Variants in MAST4 observed in about 807,000 individuals in gnomAD.
MAST4 encodes the protein microtubule-associated serine/threonine-protein kinase 4.
In MAST4, 89 loss-of-function variants were observed where a neutral mutation model predicts 162.7. The ratio of observed to expected loss-of-function variants is 0.55; its 90% CI spans 0.46 to 0.65. The LOEUF is 0.65. Among genes scored for constraint, MAST4 ranks in the 30% least tolerant of loss-of-function variants. The pLI is 0.00. For missense variants in MAST4, 3,153 were observed against 3,374.0 expected, an observed-to-expected ratio of 0.93 and a Z score of 1.62; for synonymous variants, 1,479 against 1,361.1, an observed-to-expected ratio of 1.09 and a Z score of -1.91.
intron 3 of MAST4, among the ~76,000 whole-genome samples, chr5:66,837,138 G>A (rs531331350): frequency 6.6e-6 from 1 of 151,932 alleles, no homozygotes; most frequent in Non-Finnish European, 1.5e-5. Context: ...CTTACTGCCT[G>A]ATGTTGGCTA....
At chr5:66,618,601 T>C (rs938592175) in intron 1 of MAST4, among the ~76,000 whole-genome samples, 30 of 152,192 alleles carry the variant, frequency 2.0e-4, no homozygotes, top group African/African-American at 7.0e-4. Flanking sequence ...AACACTTCCC[T>C]CTGTATTGAA....
chr5:66,712,570 C>G (rs1462249285), intron 1 of MAST4, among the ~76,000 whole-genome samples: 1 of 152,172 alleles, frequency 6.6e-6, no homozygotes, highest in Non-Finnish European at 1.5e-5. Flanking sequence ...AGGTCTTAAT[C>G]TTGTTTAACT....
At chr5:66,950,410 A>G (rs1288588036) in intron 4 of MAST4, among the ~76,000 whole-genome samples, 1 of 152,030 alleles carries the variant, frequency 6.6e-6, no homozygotes, top group Non-Finnish European at 1.5e-5. Context: ...TTTCCATTAA[A>G]CACTAGCTTC....
intron 1 of MAST4, among the ~76,000 whole-genome samples, chr5:66,673,621 A>C (rs1747764449): frequency 6.8e-6 from 1 of 147,714 alleles, no homozygotes; most frequent in Non-Finnish European, 1.5e-5. Context: ...CCACCTCCTG[A>C]GTAGGTGGGA....
chr5:66,941,335 T>C (rs1445900139), intron 4 of MAST4, among the ~76,000 whole-genome samples: 3 of 152,176 alleles, frequency 2.0e-5, no homozygotes, highest in African/African-American at 7.2e-5. Context: ...AACATGTTGT[T>C]TAGTGTAGCT....
intron 4 of MAST4, among the ~76,000 whole-genome samples, chr5:66,981,000 A>G (rs1328960696): frequency 6.6e-6 from 1 of 152,324 alleles, no homozygotes; most frequent in East Asian, 1.9e-4. Flanking sequence ...TCATGAAAGA[A>G]TAAAGACTAT....
chr5:66,714,200 A>G (rs577194930), intron 1 of MAST4, among the ~76,000 whole-genome samples: 1 of 152,172 alleles, frequency 6.6e-6, no homozygotes, highest in South Asian at 2.1e-4. Context: ...TCTTTTTCAA[A>G]CACCTAATAT....
chr5:66,842,243 A>G (rs1198590433), intron 3 of MAST4, among the ~76,000 whole-genome samples: 1 of 152,202 alleles, frequency 6.6e-6, no homozygotes, highest in Non-Finnish European at 1.5e-5. Flanking sequence ...ATTAGAGGGC[A>G]TGGTGAATAG....
chr5:67,091,997 G>A (rs1207471956), intron 6 of MAST4, among the ~76,000 whole-genome samples: 1 of 152,144 alleles, frequency 6.6e-6, no homozygotes, highest in African/African-American at 2.4e-5. Flanking sequence ...ACAGAACCCT[G>A]TGTTATGAAA....
At chr5:67,014,632 G>A (rs932229112) in intron 4 of MAST4, among the ~76,000 whole-genome samples, 1 of 152,170 alleles carries the variant, frequency 6.6e-6, no homozygotes, top group African/African-American at 2.4e-5. Flanking sequence ...GTTAGCCTTT[G>A]AAATCAAGGA....
intron 1 of MAST4, among the ~76,000 whole-genome samples, chr5:66,717,895 C>T (rs1461883701): frequency 6.6e-6 from 1 of 152,176 alleles, no homozygotes; most frequent in Admixed American, 6.5e-5. Context: ...TGCTCACTGC[C>T]TGAGGGAAGG....
intron 4 of MAST4, among the ~76,000 whole-genome samples, chr5:67,033,682 C>G (rs964475895): frequency 6.6e-6 from 1 of 152,124 alleles, no homozygotes; most frequent in Non-Finnish European, 1.5e-5. Flanking sequence ...TTAACTTTGA[C>G]TCTCCCGTGG....
chr5:66,616,088 T>A (rs1235156294), intron 1 of MAST4, among the ~76,000 whole-genome samples: 2 of 152,210 alleles, frequency 1.3e-5, no homozygotes. Flanking sequence ...TAAATCTTTG[T>A]TGAACAAATA....
intron 27 of MAST4, among the ~76,000 whole-genome samples, chr5:67,161,676 A>G (rs1773198941): frequency 6.6e-6 from 1 of 152,252 alleles, no homozygotes; most frequent in South Asian, 2.1e-4. Context: ...AAATTCGAGT[A>G]GAGGAGTTGC....
chr5:67,058,102 G>A lies in MAST4; in HGVS notation c.763+3610G>A, dbSNP rs546511915. 3.9e-5 allele frequency among the ~76,000 whole-genome samples: 6 copies of A among 152,170 alleles called. No homozygotes were observed. The East Asian group carries it at 1.2e-3, about 29-fold the overall frequency. ...TTCTAAAAATTACCCAGGCATGGTG[G>A]CACATGCCTGTGGTCCCAGCTACTC... On this transcript the variant is annotated intron_variant, in intron 5 of 28. Coordinates refer to ENST00000403625, the MANE Select transcript of MAST4 (RefSeq NM_001164664.2).
chr5:66,620,543 A>G (rs1222760292), intron 1 of MAST4, among the ~76,000 whole-genome samples: 3 of 152,190 alleles, frequency 2.0e-5, no homozygotes, highest in African/African-American at 7.2e-5. Flanking sequence ...TTAGTAAAAC[A>G]AAACAATATG....
At chr5:66,954,691 A>T (rs1438759000) in intron 4 of MAST4, among the ~76,000 whole-genome samples, 1 of 152,156 alleles carries the variant, frequency 6.6e-6, no homozygotes, top group African/African-American at 2.4e-5. Flanking sequence ...ACATGAGCCC[A>T]GGAGTTCAAG....
At chr5:66,756,946 T>A (rs1753577164) in intron 1 of MAST4, among the ~76,000 whole-genome samples, 1 of 152,210 alleles carries the variant, frequency 6.6e-6, no homozygotes, top group African/African-American at 2.4e-5. Context: ...TTCTTGTGAT[T>A]TTGATTAAAA....
chr5:66,761,457 T>G, intron 2 of MAST4, among the ~76,000 whole-genome samples: 1 of 152,250 alleles, frequency 6.6e-6, no homozygotes, highest in East Asian at 1.9e-4. Flanking sequence ...TATAAATATT[T>G]TCACGGAACT....
Sources: gnomAD v4.1 joint callset for allele counts (sites outside exome capture counted in the v4.1 genomes callset) on GRCh38, gnomAD v4.1.1 for gene constraint, MANE v1.5 for transcripts, NCBI Gene and HGNC (gene_info 2026-07-23, HGNC 2026-07-21) for gene names.